CYB5R4: variants seen among roughly 807,000 people sequenced by gnomAD.
The protein encoded by CYB5R4 is N-terminal cytochrome b5 and cytochrome b5 oxidoreductase domain-containing protein.
Under a neutral mutation model 70.2 loss-of-function variants are expected in CYB5R4, and 55 were observed. That is an observed-to-expected ratio of 0.78 (90% CI 0.63 to 0.98). CYB5R4 has a LOEUF of 0.98. Ranked by LOEUF, CYB5R4 falls within the 50% of genes least tolerant of loss-of-function variation. CYB5R4 has a pLI of 0.00. For missense variants in CYB5R4, 562 were observed against 612.6 expected (o/e 0.92, Z 0.87); for synonymous variants, 197 against 199.5 (o/e 0.99, Z 0.11).
chr6:83,945,365 G>A (rs1054934447), intron 14 of CYB5R4, among the ~76,000 whole-genome samples: 8 of 152,118 alleles, frequency 5.3e-5, no homozygotes, highest in Non-Finnish European at 8.8e-5. Flanking sequence ...TAAGTTCTTT[G>A]AAACCAATGA....
In CYB5R4 at chr6:83,964,509, C is replaced by T. The variant is rs2099473785; in HGVS notation, c.*4631C>T. On this transcript the variant is annotated 3_prime_UTR_variant, in exon 16 of 16. Transcript: ENST00000369681. ...AGAAATTTCTAAGCAGCAAAGCATT[C>T]AAGAGGTGACTCAAGTGTTGTTAAA... The T allele has an allele frequency of 6.6e-6, 1 of 152,624 alleles. No individual in the cohort carries two copies. The highest frequency in any genetic ancestry group is 2.4e-5 in the African/African-American group (1 of 41,448). 9.5% of individuals were successfully genotyped at this position (152,624 alleles called of 1,614,324 possible).
In CYB5R4 at chr6:83,932,526, C is replaced by T. The variant is rs554490503; in HGVS notation, c.815-2069C>T. On this transcript the variant is annotated intron_variant, in intron 10 of 15. Coordinates refer to ENST00000369681, the MANE Select transcript of CYB5R4 (RefSeq NM_016230.4). ...CAACACTGTGGTCCTTAGACCTGTG[C>T]AAGAGGGTCACCTGCCCTGGGTTCC... 3.0e-3 allele frequency among the ~76,000 whole-genome samples: 462 copies of T among 152,266 alleles called. 1 individual carries two copies. The highest frequency in any genetic ancestry group is 3.2e-3 in the Non-Finnish European group (217 of 68,002).
At chr6:83,939,000 A>AATTTTT (rs2099469348) in intron 12 of CYB5R4, among the ~76,000 whole-genome samples, 1 of 151,640 alleles carries the variant, frequency 6.6e-6, no homozygotes, top group South Asian at 2.1e-4. Context: ...ATGCCTGGCT[A>AATTTTT]ATTTTTTGTA....
intron 15 of CYB5R4, among the ~76,000 whole-genome samples, chr6:83,957,177 A>G (rs1440683668): frequency 6.6e-6 from 1 of 152,100 alleles, no homozygotes; most frequent in East Asian, 1.9e-4. Flanking sequence ...CTCAAGCAAA[A>G]CTATTAAAAT....
intron 15 of CYB5R4, among the ~76,000 whole-genome samples, chr6:83,959,465 C>T (rs1031735068): frequency 6.6e-6 from 1 of 152,042 alleles, no homozygotes; most frequent in Middle Eastern, 3.2e-3. Flanking sequence ...TTTTTGTCAA[C>T]AAATAAATTG....
chr6:83,918,302 CT>C (rs778947467), intron 6 of CYB5R4, among the ~76,000 whole-genome samples: 3 of 151,882 alleles, frequency 2.0e-5, no homozygotes, highest in Non-Finnish European at 4.4e-5. Context: ...CTTTAAAAAA[CT>C]ATTCTAAAAT....
intron 2 of CYB5R4, among the ~76,000 whole-genome samples, chr6:83,878,247 A>T (rs2099458883): frequency 6.6e-6 from 1 of 152,086 alleles, no homozygotes; most frequent in African/African-American, 2.4e-5. Context: ...AAAATCAATC[A>T]TAGGTATTTT....
At chr6:83,910,141 C>CA in intron 4 of CYB5R4, 4 of 1,596,190 alleles carry the variant, frequency 2.5e-6, no homozygotes, top group Non-Finnish European at 3.4e-6. Context: ...ACATTACTTT[C>CA]AAAGATTTCT....
Position 83,859,695 on chromosome 6 carries a change from G to C in CYB5R4, c.-88G>C, listed in dbSNP as rs2099455633. ...GACCCCGGAAGTGGGTCGGGGGCTT[G>C]GCCTCTGCCCGGCCACAGAGCCGGA... On this transcript the variant is annotated 5_prime_UTR_variant, in exon 1 of 16. Transcript: ENST00000369681. 1 of 1,451,160 alleles carries C rather than the reference G, an allele frequency of 6.9e-7. No homozygotes were observed. The highest frequency in any genetic ancestry group is 9.5e-7 in the Non-Finnish European group (1 of 1,050,204). 89.9% of individuals were successfully genotyped at this position (1,451,160 alleles called of 1,614,324 possible).
chr6:83,880,589 TAGG>T (rs2099459290), intron 2 of CYB5R4, among the ~76,000 whole-genome samples: 1 of 152,194 alleles, frequency 6.6e-6, no homozygotes, highest in African/African-American at 2.4e-5. Flanking sequence ...CTAGTCTCCC[TAGG>T]AGAAGTTTAT....
intron 15 of CYB5R4, among the ~76,000 whole-genome samples, chr6:83,957,398 A>G (rs1234440132): frequency 6.6e-6 from 1 of 152,116 alleles, no homozygotes; most frequent in African/African-American, 2.4e-5. Flanking sequence ...AGGCAGGTGG[A>G]TCACCTGAGG....
intron 2 of CYB5R4, among the ~76,000 whole-genome samples, chr6:83,887,515 G>A (rs746860394): frequency 1.9e-4 from 29 of 152,274 alleles, no homozygotes; most frequent in Non-Finnish European, 3.7e-4. Context: ...ACTCAGTGTA[G>A]TTATTGTTCT....
At chr6:83,958,200 A>G (rs984039380) in intron 15 of CYB5R4, among the ~76,000 whole-genome samples, 1 of 152,208 alleles carries the variant, frequency 6.6e-6, no homozygotes, top group Admixed American at 6.5e-5. Context: ...TACTTGGCCA[A>G]TAATGGTTCT....
At chr6:83,904,450 CATAT>C (rs2099463458) in intron 3 of CYB5R4, among the ~76,000 whole-genome samples, 1 of 152,060 alleles carries the variant, frequency 6.6e-6, no homozygotes, top group Admixed American at 6.5e-5. Context: ...TGTAGCCTAA[CATAT>C]GTCTGTCATG....
At chr6:83,899,644 C>G (rs1024286665) in intron 3 of CYB5R4, among the ~76,000 whole-genome samples, 2 of 152,086 alleles carry the variant, frequency 1.3e-5, no homozygotes, top group African/African-American at 2.4e-5. Flanking sequence ...AATTTCAGAG[C>G]CTGTTATTGG....
chr6:83,911,656 G>T (rs1471051020), intron 4 of CYB5R4, among the ~76,000 whole-genome samples: 1 of 151,884 alleles, frequency 6.6e-6, no homozygotes, highest in Admixed American at 6.6e-5. Context: ...TTCTTCTATA[G>T]AGTCCTTTCA....
chr6:83,899,697 G>C (rs1486022655), intron 3 of CYB5R4, among the ~76,000 whole-genome samples: 1 of 151,992 alleles, frequency 6.6e-6, no homozygotes, highest in East Asian at 1.9e-4. Context: ...GTCTTGGGAG[G>C]GTGTATGTGT....
At chr6:83,873,191 G>A (rs1026949328) in intron 2 of CYB5R4, among the ~76,000 whole-genome samples, 10 of 148,776 alleles carry the variant, frequency 6.7e-5, no homozygotes, top group South Asian at 2.1e-4. Flanking sequence ...AACTCTTCTC[G>A]TGTTAATTAA....
chr6:83,926,619 G>A (rs61763838), intron 10 of CYB5R4, among the ~76,000 whole-genome samples: 3,012 of 152,122 alleles, frequency 0.02, 88 homozygotes, highest in African/African-American at 0.066. Flanking sequence ...TCCAAATGTC[G>A]TCACATTCTG....
Sources: gnomAD v4.1 joint callset for allele counts (sites outside exome capture counted in the v4.1 genomes callset) on GRCh38, gnomAD v4.1.1 for gene constraint, MANE v1.5 for transcripts, NCBI Gene and HGNC (gene_info 2026-07-23, HGNC 2026-07-21) for gene names.